SRRM3: variants seen among roughly 807,000 people sequenced by gnomAD.
SRRM3 encodes serine/arginine repetitive matrix 3.
In SRRM3, 27 loss-of-function variants were observed where a neutral mutation model predicts 66.2. The ratio of observed to expected loss-of-function variants is 0.41; its 90% CI spans 0.30 to 0.56. SRRM3 has a LOEUF of 0.56. Among genes scored for constraint, SRRM3 ranks in the 20% least tolerant of loss-of-function variants. The probability of loss-of-function intolerance (pLI) is 0.32; values close to 1 mark genes in which losing one functional copy is unlikely to be tolerated. For synonymous variants in SRRM3, 391 were observed against 414.9 expected (o/e 0.94, Z 0.70); for missense variants, 918 against 991.9 (o/e 0.93, Z 1.00).
intron 1 of SRRM3, among the ~76,000 whole-genome samples, chr7:76,208,440 G>A (rs782237298): frequency 6.6e-6 from 1 of 151,848 alleles, no homozygotes; most frequent in Middle Eastern, 3.4e-3. Context: ...AGGCTGAGGT[G>A]GGAGGATCAC....
intron 1 of SRRM3, among the ~76,000 whole-genome samples, chr7:76,222,369 G>T (rs1375428559): frequency 1.3e-4 from 19 of 145,672 alleles, no homozygotes; most frequent in African/African-American, 4.1e-4. Flanking sequence ...AGCCATAATT[G>T]TACCACTACA....
rs116142022 is a variant in SRRM3 at position 76,254,209 on chromosome 7, G to A, written c.336-5697G>A. 1.3e-3 allele frequency among the ~76,000 whole-genome samples: 200 copies of A among 149,836 alleles called. 9 individuals are homozygous for A. The South Asian group carries it at 0.037, about 28-fold the overall frequency. ...TTGGGTTTTTTTTTTTTGTACAGACGGGGGTCTTGCTTTCTTGCCCAGGCT... is the reference window on the plus strand; with the variant it reads ...TTGGGTTTTTTTTTTTTGTACAGACAGGGGTCTTGCTTTCTTGCCCAGGCT... On this transcript the variant is annotated intron_variant, in intron 3 of 14. Transcript: ENST00000611745.
intron 8 of SRRM3, among the ~76,000 whole-genome samples, chr7:76,263,076 C>T (rs1481570500): frequency 2.6e-5 from 4 of 152,170 alleles, no homozygotes; most frequent in Admixed American, 6.5e-5. Context: ...TTTTCATCTT[C>T]CCCTGGCCTC....
intron 10 of SRRM3, among the ~76,000 whole-genome samples, chr7:76,265,836 A>T (rs797038197): frequency 0.037 from 391 of 10,614 alleles, 3 homozygotes; most frequent in African/African-American, 0.14. Flanking sequence ...ATTTATATAT[A>T]TATATATATA....
intron 1 of SRRM3, among the ~76,000 whole-genome samples, chr7:76,225,940 C>T (rs1234564831): frequency 1.3e-5 from 2 of 152,134 alleles, no homozygotes; most frequent in Admixed American, 6.5e-5. Context: ...GATCACTCTC[C>T]TGTCTCCCTC....
intron 1 of SRRM3, among the ~76,000 whole-genome samples, chr7:76,234,523 C>G (rs1015244665): frequency 1.3e-5 from 2 of 152,138 alleles, no homozygotes; most frequent in African/African-American, 4.8e-5. Flanking sequence ...CCATCTTCCC[C>G]TCTCTGTAGG....
At chr7:76,241,054 T>C (rs1214271288) in intron 2 of SRRM3, among the ~76,000 whole-genome samples, 1 of 152,140 alleles carries the variant, frequency 6.6e-6, no homozygotes, top group Non-Finnish European at 1.5e-5. Context: ...TATGCCACCA[T>C]GCCCAGCTAA....
At chr7:76,251,892 C>T (rs560395547) in intron 3 of SRRM3, among the ~76,000 whole-genome samples, 148 of 152,032 alleles carry the variant, frequency 9.7e-4, no homozygotes, top group Non-Finnish European at 1.8e-3. Context: ...GTGAAACCCC[C>T]ATCTCTACTA....
rs1262911827 is a variant in SRRM3, at chr7:76,257,469, G to A, written c.336-2437G>A. ...AAAAAAAAAAAAAAAAAAAAAAGAAGGCCAGGCATGGTGGCTCACACCTAT... is the reference window on the plus strand; with the variant it reads ...AAAAAAAAAAAAAAAAAAAAAAGAAAGCCAGGCATGGTGGCTCACACCTAT... On this transcript the variant is annotated intron_variant, in intron 3 of 14. Transcript: ENST00000611745. 1.5e-4 allele frequency among the ~76,000 whole-genome samples: 22 copies of A among 149,796 alleles called. No individual in the cohort carries two copies. In the East Asian group the frequency reaches 2.3e-3, roughly 16 times the overall value.
chr7:76,270,451 G>A (rs1464615891), intron 11 of SRRM3, among the ~76,000 whole-genome samples: 10 of 151,106 alleles, frequency 6.6e-5, no homozygotes, highest in Admixed American at 6.6e-4. Flanking sequence ...TGAGGGGGGC[G>A]GATCACCTGA....
At chr7:76,265,578 G>A in intron 10 of SRRM3, 110 bp downstream of exon 10, 5 of 836,470 alleles carry the variant, frequency 6.0e-6, no homozygotes, top group Non-Finnish European at 8.9e-6. Context: ...CAATTCATCG[G>A]TGGGTAGAAG....
chr7:76,251,377 T>C (rs1801577242), intron 3 of SRRM3, among the ~76,000 whole-genome samples: 2 of 142,056 alleles, frequency 1.4e-5, no homozygotes, highest in Non-Finnish European at 3.1e-5. Context: ...CCAGCAGCAC[T>C]TTTTTTTTTT....
chr7:76,278,083 G>A (rs1209175178), intron 11 of SRRM3, among the ~76,000 whole-genome samples: 1 of 152,198 alleles, frequency 6.6e-6, no homozygotes, highest in Non-Finnish European at 1.5e-5. Flanking sequence ...TGGGCTGGGG[G>A]CGCTTGAAAG....
chr7:76,283,184 C>T (rs1802574240), intron 14 of SRRM3, 83 bp downstream of exon 14: 3 of 1,317,636 alleles, frequency 2.3e-6, no homozygotes, highest in African/African-American at 1.5e-5. Context: ...GCCCGGGGAC[C>T]TTCTCTGAGG....
Position 76,281,751 on chromosome 7 carries a change from GC to G in SRRM3, c.1323del (p.Glu444SerfsTer155). The G allele has an allele frequency of 7.3e-7, 1 of 1,363,946 alleles. No individual in the cohort carries two copies. The highest frequency in any genetic ancestry group is 9.5e-7 in the Non-Finnish European group (1 of 1,057,078). 84.5% of individuals were successfully genotyped at this position (1,363,946 alleles called of 1,614,324 possible). On this transcript the variant is annotated frameshift_variant, in exon 12 of 15. Transcript: ENST00000611745. LOFTEE classifies it high-confidence loss of function. ...TCCGGCAGCGGCCGCGGCGCCCCCG[GC>G]CCCGGGCCCGAGCCCGGCTCTGAGC... is the stretch of plus-strand genomic sequence containing the variant. The part of the protein sequence containing the change: ...SDSGSGRGAP[G>X]PGPEPGSERG...
chr7:76,228,387 C>A (rs1192552809), intron 1 of SRRM3, among the ~76,000 whole-genome samples: 3 of 152,008 alleles, frequency 2.0e-5, no homozygotes, highest in African/African-American at 7.3e-5. Flanking sequence ...TTCTCAAGCC[C>A]CACTCCAGAT....
intron 8 of SRRM3, among the ~76,000 whole-genome samples, chr7:76,263,410 C>A (rs562703928): frequency 6.6e-6 from 1 of 152,288 alleles, no homozygotes; most frequent in East Asian, 1.9e-4. Context: ...TGGGTGAGAC[C>A]TTTGAGGGCT....
At chr7:76,267,483 C>G (rs1802099105) in intron 11 of SRRM3, 48 bp downstream of exon 11, 4 of 1,038,666 alleles carry the variant, frequency 3.9e-6, no homozygotes, top group Non-Finnish European at 4.7e-6. Flanking sequence ...CGGGCTGCGC[C>G]GTGCGTGGTC....
chr7:76,273,997 C>A (rs1802274816), intron 11 of SRRM3, among the ~76,000 whole-genome samples: 1 of 152,214 alleles, frequency 6.6e-6, no homozygotes, highest in Non-Finnish European at 1.5e-5. Context: ...GTGTTTCTTT[C>A]CTGAACTGTA....
Sources: gnomAD v4.1 joint callset for allele counts (sites outside exome capture counted in the v4.1 genomes callset) on GRCh38, gnomAD v4.1.1 for gene constraint, MANE v1.5 for transcripts, NCBI Gene and HGNC (gene_info 2026-07-23, HGNC 2026-07-21) for gene names.